SYN3: variants seen among roughly 807,000 people sequenced by gnomAD.
SYN3 encodes synapsin III.
Under a neutral mutation model 65.8 loss-of-function variants are expected in SYN3, and 35 were observed. The ratio of observed to expected loss-of-function variants is 0.53; its 90% CI spans 0.41 to 0.70. SYN3 has a LOEUF of 0.70. Among genes scored for constraint, SYN3 ranks in the 30% least tolerant of loss-of-function variants. The probability of loss-of-function intolerance (pLI) is 0.00; values close to 1 mark genes in which losing one functional copy is unlikely to be tolerated. For missense variants in SYN3, 680 were observed against 749.0 expected (o/e 0.91, Z 1.08); for synonymous variants, 270 against 292.9 (o/e 0.92, Z 0.80).
intron 6 of SYN3, among the ~76,000 whole-genome samples, chr22:32,598,135 C>T (rs1285921395): frequency 1.3e-5 from 2 of 152,184 alleles, no homozygotes; most frequent in Non-Finnish European, 2.9e-5. Context: ...CCTCGGCTGT[C>T]CATGGACAGC....
intron 6 of SYN3, among the ~76,000 whole-genome samples, chr22:32,807,002 C>T (rs2046759497): frequency 6.6e-6 from 1 of 151,642 alleles, no homozygotes; most frequent in Admixed American, 6.6e-5. Flanking sequence ...TAGTATTCTG[C>T]TTGTTTCCCA....
At position 32,615,717 on chromosome 22, in the gene SYN3, C is replaced by T. The variant is rs545902637; in HGVS notation, c.712-18981G>A. Reference sequence around the variant, plus strand: ...AAACCCACCCTAGTGTGTGAAACATCACAGCAGTGCTCAGAGAGAATAACA... The same window carrying T: ...AAACCCACCCTAGTGTGTGAAACATTACAGCAGTGCTCAGAGAGAATAACA... On this transcript the variant is annotated intron_variant, in intron 6 of 13. Transcript: ENST00000358763. 8.5e-4 allele frequency among the ~76,000 whole-genome samples: 129 copies of T among 152,306 alleles called. 1 individual carries two copies. The highest frequency in any genetic ancestry group is 6.8e-3 in the Middle Eastern group (2 of 294).
At chr22:32,581,354 C>T (rs988554871) in intron 7 of SYN3, among the ~76,000 whole-genome samples, 1 of 152,196 alleles carries the variant, frequency 6.6e-6, no homozygotes, top group Non-Finnish European at 1.5e-5. Context: ...GGTGATCGGC[C>T]CGCCTTGGCA....
chr22:32,784,609 C>A (rs562290067), intron 6 of SYN3, among the ~76,000 whole-genome samples: 19 of 152,282 alleles, frequency 1.2e-4, no homozygotes, highest in Non-Finnish European at 2.6e-4. Context: ...TCACAGAAAT[C>A]ATGAGATAAT....
intron 6 of SYN3, among the ~76,000 whole-genome samples, chr22:32,787,632 A>G (rs1244495306): frequency 1.3e-5 from 2 of 152,326 alleles, no homozygotes; most frequent in East Asian, 1.9e-4. Flanking sequence ...GGCATCTTGC[A>G]CTGTTTTCTT....
At chr22:32,840,426 T>C (rs2146192524) in intron 6 of SYN3, among the ~76,000 whole-genome samples, 1 of 152,180 alleles carries the variant, frequency 6.6e-6, no homozygotes, top group Non-Finnish European at 1.5e-5. Flanking sequence ...CAGGGTAGGA[T>C]GCAGGAAAAG....
intron 6 of SYN3, among the ~76,000 whole-genome samples, chr22:32,799,286 G>A (rs946459069): frequency 2.6e-5 from 4 of 152,184 alleles, no homozygotes; most frequent in Admixed American, 2.6e-4. Flanking sequence ...CTTGGAATTC[G>A]CTGAACTTCA....
chr22:32,788,109 C>T (rs1207415281), intron 6 of SYN3, among the ~76,000 whole-genome samples: 1 of 152,078 alleles, frequency 6.6e-6, no homozygotes, highest in Non-Finnish European at 1.5e-5. Context: ...AATATGATCT[C>T]GTTTTTTTTC....
chr22:32,843,414 A>G (rs1024920366), intron 6 of SYN3, among the ~76,000 whole-genome samples: 4 of 152,178 alleles, frequency 2.6e-5, no homozygotes, highest in African/African-American at 9.7e-5. Context: ...GGCAGGCTAC[A>G]TTGTAGAGTG....
intron 1 of SYN3, among the ~76,000 whole-genome samples, chr22:33,033,291 A>G (rs1320585745): frequency 6.6e-6 from 1 of 152,166 alleles, no homozygotes; most frequent in East Asian, 1.9e-4. Context: ...ATGAGCCACC[A>G]GGCCCAGCCC....
intron 6 of SYN3, among the ~76,000 whole-genome samples, chr22:32,600,667 G>A (rs1385435420): frequency 1.3e-5 from 2 of 149,732 alleles, no homozygotes. Context: ...TAGGAAGGAA[G>A]GATTTATTTT....
At chr22:32,977,725 A>G (rs1340289129) in intron 3 of SYN3, among the ~76,000 whole-genome samples, 1 of 142,016 alleles carries the variant, frequency 7.0e-6, no homozygotes, top group South Asian at 2.3e-4. Context: ...GCCTGGCGAC[A>G]GGGTGAGACT....
chr22:32,819,751 A>G lies in SYN3; in HGVS notation c.711+45164T>C, dbSNP rs148000673. 6.5e-3 allele frequency among the ~76,000 whole-genome samples: 987 copies of G among 152,312 alleles called. 13 individuals are homozygous for G. The highest frequency in any genetic ancestry group is 0.021 in the African/African-American group (870 of 41,558). On this transcript the variant is annotated intron_variant, in intron 6 of 13. Transcript: ENST00000358763. ...TTTTCGAAAGTTCAAAAAACAGAAG[A>G]GGAGGATTCTGAAACAGCAAACTTG...
chr22:32,650,928 C>T (rs2060061199), intron 6 of SYN3, among the ~76,000 whole-genome samples: 1 of 152,192 alleles, frequency 6.6e-6, no homozygotes, highest in Admixed American at 6.5e-5. Flanking sequence ...GCTGCTTCCC[C>T]AGTCCTCCTT....
intron 6 of SYN3, among the ~76,000 whole-genome samples, chr22:32,781,499 A>G (rs990030911): frequency 6.6e-6 from 1 of 152,076 alleles, no homozygotes; most frequent in Non-Finnish European, 1.5e-5. Context: ...CCACCTATAA[A>G]TTGGCATTAC....
rs184670232 is a variant in SYN3 at position 32,945,852 on chromosome 22, C to A, written c.370-14371G>T. 8.5e-3 allele frequency among the ~76,000 whole-genome samples: 1,289 copies of A among 152,162 alleles called. 12 individuals carry two copies. Among genetic ancestry groups the A allele is most frequent in the Admixed American group, 0.013 (203 of 15,264 alleles). On this transcript the variant is annotated intron_variant, in intron 3 of 13. Transcript: ENST00000358763. ...ACTCAAACAAATTTACAAGAAAAAACCAAACAAGGCGATCAAAAAGTGGGC... is the reference window on the plus strand; with the variant it reads ...ACTCAAACAAATTTACAAGAAAAAAACAAACAAGGCGATCAAAAAGTGGGC...
intron 2 of SYN3, among the ~76,000 whole-genome samples, chr22:32,996,352 A>G (rs2052880452): frequency 6.6e-6 from 1 of 152,112 alleles, no homozygotes; most frequent in Non-Finnish European, 1.5e-5. Flanking sequence ...CCACACTGAA[A>G]AACAGCTGTG....
At chr22:32,911,249 C>A (rs573274567) in intron 4 of SYN3, among the ~76,000 whole-genome samples, 1 of 152,322 alleles carries the variant, frequency 6.6e-6, no homozygotes, top group South Asian at 2.1e-4. Flanking sequence ...AATGTTCTTT[C>A]CTGCAAGCCA....
intron 4 of SYN3, among the ~76,000 whole-genome samples, chr22:32,919,092 G>A (rs574912489): frequency 5.3e-5 from 8 of 152,300 alleles, no homozygotes; most frequent in Admixed American, 5.2e-4. Context: ...TACATGCCAA[G>A]CCAAGGAAGT....
Sources: gnomAD v4.1 joint callset for allele counts (sites outside exome capture counted in the v4.1 genomes callset) on GRCh38, gnomAD v4.1.1 for gene constraint, MANE v1.5 for transcripts, NCBI Gene and HGNC (gene_info 2026-07-23, HGNC 2026-07-21) for gene names.